The following CEP170 variants were observed in gnomAD, a reference collection of about 807,000 sequenced individuals.
CEP170 encodes the protein centrosomal protein 170.
A neutral mutation model predicts 151.9 loss-of-function variants in CEP170; 21 were observed. The ratio of observed to expected loss-of-function variants is 0.14; its 90% CI spans 0.10 to 0.20. The LOEUF (loss-of-function observed/expected upper bound fraction) is 0.20. Among genes scored for constraint, CEP170 ranks in the 10% least tolerant of loss-of-function variants. The pLI is 1.00. For missense variants in CEP170, 964 were observed against 1,892.9 expected (o/e 0.51, Z 9.11); for synonymous variants, 356 against 648.8 (o/e 0.55, Z 6.86).
intron 14 of CEP170, among the ~76,000 whole-genome samples, chr1:243,145,765 AAC>A (rs1468280965): frequency 3.3e-5 from 5 of 152,248 alleles, no homozygotes; most frequent in Non-Finnish European, 4.4e-5. Context: ...CCGCAAGTCA[AAC>A]CTCCTGTTAC....
chr1:243,214,026 T>C (rs1370707820), intron 3 of CEP170, among the ~76,000 whole-genome samples: 1 of 152,204 alleles, frequency 6.6e-6, no homozygotes, highest in East Asian at 1.9e-4. Flanking sequence ...TTAAAAGAAG[T>C]GTCATATTTT....
chr1:243,156,092 A>T, intron 14 of CEP170, 129 bp downstream of exon 14: 1 of 1,260,248 alleles, frequency 7.9e-7, no homozygotes, highest in Non-Finnish European at 1.1e-6. Context: ...GACTAAACGG[A>T]GTTCACAGTT....
At chr1:243,132,742 C>T (rs2054568068) in intron 17 of CEP170, among the ~76,000 whole-genome samples, 1 of 152,156 alleles carries the variant, frequency 6.6e-6, no homozygotes, top group Non-Finnish European at 1.5e-5. Context: ...AGGAAAGCTG[C>T]TCCGTGGTAA....
chr1:243,228,486 A>G (rs570066878), intron 1 of CEP170, among the ~76,000 whole-genome samples: 3 of 152,200 alleles, frequency 2.0e-5, no homozygotes, highest in Non-Finnish European at 4.4e-5. Flanking sequence ...AAGTCTATAA[A>G]GGTGAATCCA....
chr1:243,126,625 G>A lies in CEP170; in HGVS notation c.4579C>T (p.His1527Tyr). Residue 1527 changes from histidine to tyrosine, a missense_variant, in exon 20 of 20, where the codon CAC becomes TAC. His to Tyr is a moderately conservative substitution (Grantham distance 83, BLOSUM62 2). Coordinates refer to ENST00000366542, the MANE Select transcript of CEP170 (RefSeq NM_014812.3). ...GTTGGTGTCTGACCCGGGCTGTGGT[G>A]GTTATTCACAGGGCTGGACTTCTGT... is the stretch of plus-strand genomic sequence containing the variant. ...PKQKSSPVNN[H>Y]HSPGQTPTLG... is the part of the protein sequence containing the mutation. The A allele has an allele frequency of 6.4e-7, 1 of 1,569,724 alleles. No homozygotes were observed.
intron 4 of CEP170, chr1:243,211,377 C>T (rs2061791454): frequency 6.6e-6 from 1 of 152,506 alleles, no homozygotes; most frequent in Admixed American, 6.5e-5. Context: ...AATCAGAGAG[C>T]GTAGGTCTTA....
chr1:243,245,788 CA>C (rs2065327884), intron 1 of CEP170, among the ~76,000 whole-genome samples: 1 of 151,018 alleles, frequency 6.6e-6, no homozygotes, highest in Non-Finnish European at 1.5e-5. Context: ...GAAAAGAAAA[CA>C]AAAAAACTTA....
rs905972982 is a variant in CEP170, at chr1:243,140,342, C to G, written c.4060-235G>C. On this transcript the variant is annotated intron_variant, in intron 15 of 19. Transcript: ENST00000366542. ...TATTTTCAAAATCCAAAATATATAA[C>G]TATGTTAAATTTAATTCTTCCATGG... 13 of 480,948 alleles carry G rather than the reference C, an allele frequency of 2.7e-5. No individual in the cohort carries two copies. The South Asian group carries it at 8.8e-4, about 33-fold the overall frequency. The allele number at this position is 480,948 out of a possible 1,614,324, so 29.8% of individuals were successfully genotyped here.
At chr1:243,228,709 C>T (rs12752326) in intron 1 of CEP170, among the ~76,000 whole-genome samples, 178 of 152,152 alleles carry the variant, frequency 1.2e-3, no homozygotes, top group Non-Finnish European at 2.1e-3. Flanking sequence ...CAGCCAAATA[C>T]GGATAACAGA....
intron 10 of CEP170, among the ~76,000 whole-genome samples, chr1:243,182,971 CTT>C (rs201854768): frequency 2.1e-4 from 30 of 143,688 alleles, no homozygotes; most frequent in Non-Finnish European, 1.5e-4. Context: ...ACAGTGACTA[CTT>C]TTTTTTTTTT....
intron 4 of CEP170, among the ~76,000 whole-genome samples, chr1:243,202,760 A>G (rs2061139751): frequency 6.6e-6 from 1 of 152,146 alleles, no homozygotes; most frequent in Non-Finnish European, 1.5e-5. Context: ...CAAAAAACTC[A>G]TAAACAGCTA....
intron 10 of CEP170, among the ~76,000 whole-genome samples, chr1:243,179,380 C>T (rs1418844727): frequency 2.0e-5 from 3 of 152,108 alleles, no homozygotes; most frequent in African/African-American, 4.8e-5. Context: ...AGGTAGGTAT[C>T]GCTAGGAACT....
chr1:243,247,158 T>C (rs1264885728), intron 1 of CEP170, among the ~76,000 whole-genome samples: 2 of 152,320 alleles, frequency 1.3e-5, no homozygotes, highest in South Asian at 2.1e-4. Context: ...GACAAACCAT[T>C]ACTCAGTTGA....
At chr1:243,151,676 C>G (rs944212263) in intron 14 of CEP170, among the ~76,000 whole-genome samples, 2 of 152,368 alleles carry the variant, frequency 1.3e-5, no homozygotes, top group African/African-American at 2.4e-5. Flanking sequence ...AGAGAAGCAG[C>G]AAGTGCTGAT....
chr1:243,170,463 A>T (rs949135394), intron 11 of CEP170, among the ~76,000 whole-genome samples: 1 of 152,212 alleles, frequency 6.6e-6, no homozygotes, highest in African/African-American at 2.4e-5. Context: ...CTTCAAATAG[A>T]TAAATCACTA....
At chr1:243,180,007 A>C (rs2059518358) in intron 10 of CEP170, among the ~76,000 whole-genome samples, 1 of 152,182 alleles carries the variant, frequency 6.6e-6, no homozygotes, top group African/African-American at 2.4e-5. Context: ...TCAAGACAAA[A>C]AGTTACAGAG....
At chr1:243,138,291 CT>C (rs1350753785) in intron 16 of CEP170, among the ~76,000 whole-genome samples, 12 of 151,174 alleles carry the variant, frequency 7.9e-5, no homozygotes, top group Admixed American at 6.6e-4. Context: ...AGAATAGGCT[CT>C]TTTCCTGATA....
chr1:243,164,946 C>T lies in CEP170; in HGVS notation c.3014G>A (p.Gly1005Asp). ...RSTDVGSRAD[G>D]RKFVQSSGRI... ...CCCACTGGACTGAACAAATTTACGA[C>T]CATCTGCTCTTGAACCCACATCTGT... The change falls in exon 13 of 20, where the codon GGT (glycine) becomes GAT (aspartate). Residue 1005 changes from glycine (G) to aspartate (D), a missense_variant. By Grantham distance (94) the Gly-to-Asp change is moderately conservative. Transcript: ENST00000366542. 1 of 1,613,900 alleles carries T rather than the reference C, an allele frequency of 6.2e-7. No homozygotes were observed.
At chr1:243,132,883 T>G (rs1350820009) in intron 17 of CEP170, among the ~76,000 whole-genome samples, 1 of 152,150 alleles carries the variant, frequency 6.6e-6, no homozygotes, top group Non-Finnish European at 1.5e-5. Context: ...TGTACTTGTT[T>G]ACAGGTAAGG....
Sources: gnomAD v4.1 joint callset for allele counts (sites outside exome capture counted in the v4.1 genomes callset) on GRCh38, gnomAD v4.1.1 for gene constraint, MANE v1.5 for transcripts, NCBI Gene and HGNC (gene_info 2026-07-23, HGNC 2026-07-21) for gene names.